The following TRPC4 variants were observed in gnomAD, a reference collection of about 807,000 sequenced individuals.
TRPC4 encodes transient receptor potential cation channel subfamily C member 4, also known as short transient receptor potential channel 4.
In TRPC4, 49 loss-of-function variants were observed where a neutral mutation model predicts 99.4. The ratio of observed to expected loss-of-function variants is 0.49; its 90% CI spans 0.39 to 0.63. TRPC4 has a LOEUF of 0.63. Among genes scored for constraint, TRPC4 ranks in the 20% least tolerant of loss-of-function variants. The probability of loss-of-function intolerance (pLI) is 0.00; values close to 1 mark genes in which losing one functional copy is unlikely to be tolerated. For missense variants in TRPC4, 898 were observed against 1,152.9 expected (o/e 0.78, Z 3.20); for synonymous variants, 454 against 425.9 (o/e 1.07, Z -0.81).
chr13:37,729,593 T>C (rs114219187), intron 3 of TRPC4, among the ~76,000 whole-genome samples: 2,286 of 152,214 alleles, frequency 0.015, 46 homozygotes, highest in African/African-American at 0.052. Flanking sequence ...CCAAGTGTCC[T>C]TCAGTGGATG....
chr13:37,635,722 G>A lies in TRPC4; in HGVS notation c.*1181C>T, dbSNP rs905705773. 8.6e-5 allele frequency among the ~76,000 whole-genome samples: 13 copies of A among 152,014 alleles called. No homozygotes were observed. The highest frequency in any genetic ancestry group is 1.9e-4 in the East Asian group (1 of 5,178). On this transcript the variant is annotated 3_prime_UTR_variant, in exon 11 of 11. Transcript: ENST00000379705. Reference sequence around the variant, plus strand: ...CTAGTATCAATTTTATGTAAGTTGCGAACACTTTCCTTGTAATAGTTCAGT... The same window carrying A: ...CTAGTATCAATTTTATGTAAGTTGCAAACACTTTCCTTGTAATAGTTCAGT...
intron 5 of TRPC4, among the ~76,000 whole-genome samples, chr13:37,666,376 C>A (rs957301179): frequency 6.6e-6 from 1 of 152,082 alleles, no homozygotes; most frequent in Non-Finnish European, 1.5e-5. Flanking sequence ...GCTAAGTTTG[C>A]TATGTAAGTA....
At chr13:37,739,504 A>T (rs965948751) in intron 3 of TRPC4, among the ~76,000 whole-genome samples, 5 of 133,780 alleles carry the variant, frequency 3.7e-5, no homozygotes, top group African/African-American at 1.4e-4. Context: ...AAAGCATGAG[A>T]TTTTTTTTTT....
chr13:37,850,120 C>T (rs946963514), intron 1 of TRPC4, among the ~76,000 whole-genome samples: 5 of 152,112 alleles, frequency 3.3e-5, no homozygotes, highest in African/African-American at 9.7e-5. Flanking sequence ...GATTTATAGG[C>T]AATTTTAGTG....
chr13:37,705,793 A>C (rs1403358852), intron 3 of TRPC4, among the ~76,000 whole-genome samples: 4 of 152,080 alleles, frequency 2.6e-5, no homozygotes, highest in African/African-American at 9.7e-5. Context: ...CCTGTACGAC[A>C]CTTTCTCTGC....
rs533667323 is a variant in TRPC4, at chr13:37,635,762, T to G, written c.*1141A>C. ...AATAGTTCAGTGAATTGTTATAAGC[T>G]AAATTACCTTGCAAACAATAGAAAG... On this transcript the variant is annotated 3_prime_UTR_variant, in exon 11 of 11. Coordinates refer to ENST00000379705, the MANE Select transcript of TRPC4 (RefSeq NM_016179.4). 1.4e-4 allele frequency among the ~76,000 whole-genome samples: 22 copies of G among 152,198 alleles called. No homozygotes were observed. In the South Asian group the frequency reaches 4.3e-3, roughly 30 times the overall value.
chr13:37,742,286 A>G (rs1361253892), intron 3 of TRPC4, among the ~76,000 whole-genome samples: 2 of 152,160 alleles, frequency 1.3e-5, no homozygotes, highest in African/African-American at 4.8e-5. Context: ...AATTGTTTTA[A>G]TATGTTGATT....
chr13:37,657,798 G>T lies in TRPC4; in HGVS notation c.1689-2515C>A, dbSNP rs903404482. 2.0e-5 allele frequency among the ~76,000 whole-genome samples: 3 copies of T among 152,124 alleles called. No homozygotes were observed. The South Asian group carries it at 6.2e-4, about 32-fold the overall frequency. On this transcript the variant is annotated intron_variant, in intron 6 of 10. Coordinates refer to ENST00000379705, the MANE Select transcript of TRPC4 (RefSeq NM_016179.4). ...ATACTTTTGCAAAATATTTATTGATGTTTAAAAAAATTTAAAGGGGAAAAT... is the reference window on the plus strand; with the variant it reads ...ATACTTTTGCAAAATATTTATTGATTTTTAAAAAAATTTAAAGGGGAAAAT...
At chr13:37,856,055 A>T (rs115512356) in intron 1 of TRPC4, among the ~76,000 whole-genome samples, 5,047 of 151,890 alleles carry the variant, frequency 0.033, 288 homozygotes, top group African/African-American at 0.11. Flanking sequence ...TGAAATTGAA[A>T]TTAAGAGAAA....
intron 7 of TRPC4, among the ~76,000 whole-genome samples, chr13:37,652,367 A>G (rs888782944): frequency 2.0e-5 from 3 of 152,240 alleles, no homozygotes; most frequent in Admixed American, 1.3e-4. Context: ...CTTCATTTTG[A>G]TATTCCTAAA....
chr13:37,736,684 T>G (rs1955403913), intron 3 of TRPC4, among the ~76,000 whole-genome samples: 1 of 152,064 alleles, frequency 6.6e-6, no homozygotes, highest in African/African-American at 2.4e-5. Context: ...TTAATATAAA[T>G]AGTTTGGAGT....
At position 37,753,602 on chromosome 13, in the gene TRPC4, AGAG is replaced by A. The variant is rs1170065379; in HGVS notation, c.379-7150_379-7148del. Among the ~76,000 whole-genome samples the A allele has an allele frequency of 2.8e-3, 389 of 141,120 alleles. 2 individuals are homozygous for A. Among genetic ancestry groups the A allele is most frequent in the African/African-American group, 9.4e-3 (378 of 40,022 alleles). 92.6% of individuals were successfully genotyped at this position (141,120 alleles called of 152,430 possible). ...GAGAGAGAGAGAGAGAGAGAGAGAG[AGAG>A]AGAAAGAAAGAAAGAGAACACAGAA... is the stretch of plus-strand genomic sequence containing the variant. On this transcript the variant is annotated intron_variant, in intron 2 of 10. Coordinates refer to ENST00000379705, the MANE Select transcript of TRPC4 (RefSeq NM_016179.4).
intron 3 of TRPC4, among the ~76,000 whole-genome samples, chr13:37,738,289 A>C (rs1042058688): frequency 1.3e-5 from 2 of 152,198 alleles, no homozygotes; most frequent in East Asian, 1.9e-4. Context: ...AATAAGTTTC[A>C]TGGGATGTCA....
Position 37,632,593 on chromosome 13 carries a change from C to T in TRPC4, c.*4310G>A, listed in dbSNP as rs776796684. Among the ~76,000 whole-genome samples, 5 of 152,144 alleles carry T rather than the reference C, an allele frequency of 3.3e-5. No individual in the cohort carries two copies. In the East Asian group the frequency reaches 5.8e-4, roughly 18 times the overall value. On this transcript the variant is annotated 3_prime_UTR_variant, in exon 11 of 11. Coordinates refer to ENST00000379705, the MANE Select transcript of TRPC4 (RefSeq NM_016179.4). ...GACGTCTTCACTGTCAGCCTAGTAA[C>T]GGTGTGACTGTATCCAGGCTTGGTC...
intron 1 of TRPC4, among the ~76,000 whole-genome samples, chr13:37,851,322 C>T (rs1188470083): frequency 1.3e-5 from 2 of 152,048 alleles, no homozygotes; most frequent in East Asian, 3.9e-4. Context: ...ACACATTTTT[C>T]ACTTTTAAAT....
chr13:37,842,342 C>CTAAAAAAAAA (rs1566215865), intron 1 of TRPC4, among the ~76,000 whole-genome samples: 1 of 47,860 alleles, frequency 2.1e-5, no homozygotes, highest in African/African-American at 1.1e-4. Flanking sequence ...TAGCGTCTAG[C>CTAAAAAAAAA]CAAAAAAAAA....
intron 5 of TRPC4, among the ~76,000 whole-genome samples, chr13:37,670,497 A>G (rs1277208388): frequency 6.6e-6 from 1 of 152,172 alleles, no homozygotes; most frequent in Non-Finnish European, 1.5e-5. Context: ...TCCCGTCTGA[A>G]GCAAAAGAGG....
chr13:37,664,113 T>A (rs1407549082), intron 5 of TRPC4, among the ~76,000 whole-genome samples: 4 of 152,256 alleles, frequency 2.6e-5, no homozygotes, highest in Non-Finnish European at 5.9e-5. Context: ...GTAGGTAAAA[T>A]ACATGATTTG....
intron 10 of TRPC4, 107 bp from the exon 11 acceptor site, chr13:37,637,732 C>A: frequency 2.7e-6 from 3 of 1,108,086 alleles, no homozygotes; most frequent in South Asian, 1.7e-5. Context: ...TTTTTAAAAA[C>A]AAGGATTCTA....
Sources: allele counts gnomAD v4.1 joint callset (sites outside exome capture counted in the v4.1 genomes callset), GRCh38; gene constraint gnomAD v4.1.1; transcripts MANE v1.5; gene names NCBI Gene and HGNC (gene_info 2026-07-23, HGNC 2026-07-21).